The following KCNAB1 variants were observed in gnomAD, a reference collection of about 807,000 sequenced individuals.
The protein encoded by KCNAB1 is potassium voltage-gated channel subfamily A regulatory beta subunit 1.
Under a neutral mutation model 64.6 loss-of-function variants are expected in KCNAB1, and 35 were observed. The ratio of observed to expected loss-of-function variants is 0.54; its 90% CI spans 0.41 to 0.72. KCNAB1 has a LOEUF of 0.72. Among genes scored for constraint, KCNAB1 ranks in the 30% least tolerant of loss-of-function variants. The pLI, the probability that KCNAB1 is intolerant of heterozygous loss-of-function variation, is 0.00. For synonymous variants in KCNAB1, 177 were observed against 183.8 expected (o/e 0.96, Z 0.30); for missense variants, 401 against 512.9 (o/e 0.78, Z 2.11).
Position 156,287,930 on chromosome 3 carries a change from A to G in KCNAB1, c.276-133686A>G, listed in dbSNP as rs1270604239. Among the ~76,000 whole-genome samples, 3 of 152,378 alleles carry G rather than the reference A, an allele frequency of 2.0e-5. No homozygotes were observed. In the East Asian group the frequency reaches 5.8e-4, roughly 29 times the overall value. Reference sequence around the variant, plus strand: ...TGAGCTCCAATAGTTTCTTGCAAGCAATGATATAAGAACTAAAGTAAAAAC... The same window carrying G: ...TGAGCTCCAATAGTTTCTTGCAAGCGATGATATAAGAACTAAAGTAAAAAC... On this transcript the variant is annotated intron_variant, in intron 1 of 13. Transcript: ENST00000490337.
intron 2 of KCNAB1, among the ~76,000 whole-genome samples, chr3:156,439,598 T>C (rs2108258187): frequency 6.6e-6 from 1 of 152,300 alleles, no homozygotes; most frequent in Non-Finnish European, 1.5e-5. Flanking sequence ...TCACCACAGA[T>C]GTATACTCTT....
chr3:156,532,014 G>A (rs75000640), intron 13 of KCNAB1, among the ~76,000 whole-genome samples: 2 of 3,876 alleles, frequency 5.2e-4, no homozygotes, highest in Non-Finnish European at 8.8e-4. Flanking sequence ...GCTTTTCCAC[G>A]GTTTTCCAGT....
At chr3:156,224,266 G>T (rs879587830) in intron 1 of KCNAB1, among the ~76,000 whole-genome samples, 1 of 152,220 alleles carries the variant, frequency 6.6e-6, no homozygotes, top group Non-Finnish European at 1.5e-5. Flanking sequence ...GTGCTGGCCC[G>T]CAAGCACCGC....
chr3:156,517,034 A>G (rs1717608357), intron 11 of KCNAB1, among the ~76,000 whole-genome samples: 1 of 152,252 alleles, frequency 6.6e-6, no homozygotes, highest in South Asian at 2.1e-4. Flanking sequence ...TAATAACAAC[A>G]TGCCTGTTTT....
chr3:156,217,171 G>C lies in KCNAB1; in HGVS notation c.275+96285G>C, dbSNP rs560578862. 8 of 152,296 alleles carry C rather than the reference G, an allele frequency of 5.3e-5. No individual in the cohort carries two copies. The South Asian group carries it at 1.5e-3, about 28-fold the overall frequency. The allele number at this position is 152,296 out of a possible 1,614,324, so 9.4% of individuals were successfully genotyped here. A position where few individuals can be genotyped will look rare whatever the true frequency, so the allele number is the denominator to read the frequency against. ...CAAACAGACTCCACTGCTATGTTTA[G>C]AGAAAGTACAATAATATTGTTCAGA... On this transcript the variant is annotated intron_variant, in intron 1 of 13. Transcript: ENST00000490337.
intron 1 of KCNAB1, among the ~76,000 whole-genome samples, chr3:156,255,745 C>A (rs964105244): frequency 3.3e-5 from 5 of 152,182 alleles, no homozygotes; most frequent in African/African-American, 1.2e-4. Context: ...ATCACCTCCT[C>A]CATGCAGCCT....
chr3:156,272,616 T>G (rs142040288), intron 1 of KCNAB1, among the ~76,000 whole-genome samples: 63 of 152,020 alleles, frequency 4.1e-4, no homozygotes, highest in Non-Finnish European at 8.1e-4. Context: ...TGAGTTCTCC[T>G]CTGGCTCAGG....
chr3:156,349,845 A>G (rs1011783313), intron 1 of KCNAB1, among the ~76,000 whole-genome samples: 1 of 152,208 alleles, frequency 6.6e-6, no homozygotes, highest in South Asian at 2.1e-4. Context: ...GATTACAGGC[A>G]TAAGCCACTG....
intron 1 of KCNAB1, among the ~76,000 whole-genome samples, chr3:156,404,608 C>T (rs1201761357): frequency 1.3e-5 from 2 of 152,212 alleles, no homozygotes; most frequent in Non-Finnish European, 2.9e-5. Context: ...TTAAGGCAAG[C>T]ATTAAATGTA....
chr3:156,526,466 G>A (rs916426038), intron 12 of KCNAB1, among the ~76,000 whole-genome samples: 1 of 152,114 alleles, frequency 6.6e-6, no homozygotes, highest in African/African-American at 2.4e-5. Context: ...ATTAAAAATT[G>A]AGATATTTTA....
intron 1 of KCNAB1, among the ~76,000 whole-genome samples, chr3:156,409,251 A>C (rs775959540): frequency 2.6e-5 from 4 of 152,224 alleles, no homozygotes; most frequent in Non-Finnish European, 5.9e-5. Flanking sequence ...CAAGTCATTC[A>C]ACTCGAATAA....
At chr3:156,184,958 C>G (rs1240556584) in intron 1 of KCNAB1, among the ~76,000 whole-genome samples, 1 of 152,194 alleles carries the variant, frequency 6.6e-6, no homozygotes, top group East Asian at 1.9e-4. Flanking sequence ...CAGGAATTCT[C>G]ATGCATATTA....
chr3:156,404,744 T>C (rs193279597), intron 1 of KCNAB1, among the ~76,000 whole-genome samples: 1 of 152,196 alleles, frequency 6.6e-6, no homozygotes, highest in Non-Finnish European at 1.5e-5. Flanking sequence ...TCAGAGGTCC[T>C]TGCTGCTGAT....
chr3:156,531,976 A>C (rs1718729276), intron 13 of KCNAB1, among the ~76,000 whole-genome samples: 1 of 148,726 alleles, frequency 6.7e-6, no homozygotes, highest in Non-Finnish European at 1.5e-5. Flanking sequence ...TTGGACTGCA[A>C]GCCCTCTGAG....
chr3:156,250,589 A>G (rs1173944936), intron 1 of KCNAB1, among the ~76,000 whole-genome samples: 1 of 152,178 alleles, frequency 6.6e-6, no homozygotes, highest in African/African-American at 2.4e-5. Context: ...GTGAGAAGAC[A>G]TTCTCTTTTT....
chr3:156,258,460 A>G (rs1216714296), intron 1 of KCNAB1, among the ~76,000 whole-genome samples: 4 of 152,006 alleles, frequency 2.6e-5, no homozygotes, highest in Non-Finnish European at 4.4e-5. Context: ...AGCTTACTAA[A>G]CCTCCAGGTG....
At chr3:156,250,165 A>C (rs1309905993) in intron 1 of KCNAB1, among the ~76,000 whole-genome samples, 1 of 152,156 alleles carries the variant, frequency 6.6e-6, no homozygotes, top group Non-Finnish European at 1.5e-5. Context: ...ACATTGTAGG[A>C]GACAGGAAAG....
At chr3:156,139,584 G>GTGT (rs1714574318) in intron 1 of KCNAB1, among the ~76,000 whole-genome samples, 2 of 55,248 alleles carry the variant, frequency 3.6e-5, no homozygotes, top group Admixed American at 2.6e-4. Context: ...ATTGTACTGT[G>GTGT]TTTTTTTTTT....
intron 1 of KCNAB1, among the ~76,000 whole-genome samples, chr3:156,419,510 GA>G (rs58080148): frequency 0.21 from 20,376 of 97,584 alleles, 1,330 homozygotes; most frequent in Middle Eastern, 0.27. Flanking sequence ...CAAAAAAAAA[GA>G]AAAAAAAAAA....
Sources: allele counts gnomAD v4.1 joint callset (sites outside exome capture counted in the v4.1 genomes callset), GRCh38; gene constraint gnomAD v4.1.1; transcripts MANE v1.5; gene names NCBI Gene and HGNC (gene_info 2026-07-23, HGNC 2026-07-21).